The following NDUFAF7 variants were observed in gnomAD, a reference collection of about 807,000 sequenced individuals.
NDUFAF7 encodes protein arginine methyltransferase NDUFAF7, mitochondrial.
In NDUFAF7, 48 loss-of-function variants were observed where a neutral mutation model predicts 47.2. The ratio of observed to expected loss-of-function variants is 1.02; its 90% CI spans 0.81 to 1.29. The LOEUF (loss-of-function observed/expected upper bound fraction) is 1.29, where lower values mean the gene tolerates loss of function less well. Ranked by LOEUF, NDUFAF7 falls within the 50% of genes most tolerant of loss-of-function variation. The pLI is 0.00. For synonymous variants in NDUFAF7, 217 were observed against 190.0 expected (o/e 1.14, Z -1.17); for missense variants, 635 against 537.6 (o/e 1.18, Z -1.79).
At chr2:37,251,348 A>G (rs1358638482), downstream of NDUFAF7, 1 of 152,570 alleles carries the variant, frequency 6.6e-6, no homozygotes, top group Non-Finnish European at 1.5e-5. Flanking sequence ...TTAGAGCCAT[A>G]CTACTGGTCT....
chr2:37,234,537 C>T (rs921870208), intron 2 of NDUFAF7, among the ~76,000 whole-genome samples: 10 of 151,984 alleles, frequency 6.6e-5, no homozygotes, highest in African/African-American at 2.4e-4. Flanking sequence ...ACTGGGCTAC[C>T]ACAGTGGTTC....
chr2:37,232,526 G>A (rs1472465433), intron 2 of NDUFAF7, among the ~76,000 whole-genome samples: 2 of 152,206 alleles, frequency 1.3e-5, no homozygotes, highest in Non-Finnish European at 2.9e-5. Flanking sequence ...TTATGATGCG[G>A]GAAGGATGAC....
the NDUFAF7 span, among the ~76,000 whole-genome samples, chr2:37,258,580 G>A: frequency 6.6e-6 from 1 of 152,314 alleles, no homozygotes; most frequent in South Asian, 2.1e-4. Flanking sequence ...ACCAGTAGGA[G>A]TGTGCATCTT....
downstream of NDUFAF7, chr2:37,253,479 G>T: frequency 1.4e-6 from 1 of 696,252 alleles, no homozygotes. Flanking sequence ...CTACTCATAA[G>T]TATCTACTAT....
intron 9 of NDUFAF7, among the ~76,000 whole-genome samples, chr2:37,247,842 TTTG>T (rs1157669067): frequency 6.6e-6 from 1 of 152,182 alleles, no homozygotes; most frequent in Non-Finnish European, 1.5e-5. Flanking sequence ...AGTGTTTTTG[TTTG>T]TTAAGAAAAC....
At chr2:37,233,988 T>A (rs1430609769) in intron 2 of NDUFAF7, among the ~76,000 whole-genome samples, 1 of 152,258 alleles carries the variant, frequency 6.6e-6, no homozygotes, top group Non-Finnish European at 1.5e-5. Context: ...TGGTATTTCC[T>A]TATCACAATA....
intron 2 of NDUFAF7, among the ~76,000 whole-genome samples, chr2:37,233,169 C>T (rs1373571492): frequency 2.0e-5 from 3 of 152,154 alleles, no homozygotes; most frequent in African/African-American, 7.2e-5. Context: ...GTACTTTTAG[C>T]TTGAGCAGTT....
Position 37,248,262 on chromosome 2 carries a change from T to C in NDUFAF7, c.1238T>C (p.Leu413Pro), listed in dbSNP as rs781589697. The C allele has an allele frequency of 1.2e-6, 2 of 1,614,090 alleles. No homozygotes were observed. The highest frequency in any genetic ancestry group is 2.2e-5 in the East Asian group (1 of 44,874). ...NFFALLPHQR[L>P]QGGRYQRNAR... The stretch of plus-strand genomic sequence containing the variant: ...TTTGCCTTGCTACCTCATCAGAGAC[T>C]TCAAGGTGGAAGATATCAGAGGAAT... Residue 413 changes from leucine to proline, a missense_variant, in exon 10 of 10, where the codon CTT becomes CCT. Physicochemically the swap from Leu to Pro is moderately conservative, Grantham distance 98 (BLOSUM62 -3). Transcript: ENST00000002125.
the NDUFAF7 span, among the ~76,000 whole-genome samples, chr2:37,269,956 G>C: frequency 2.0e-5 from 3 of 152,192 alleles, no homozygotes; most frequent in Non-Finnish European, 2.9e-5. Context: ...GGCCTGGCGT[G>C]GTGGCTCACG....
At chr2:37,256,846 T>C (rs774704656), downstream of NDUFAF7, 9 of 1,614,052 alleles carry the variant, frequency 5.6e-6, no homozygotes, top group Non-Finnish European at 7.6e-6. Flanking sequence ...CTTCAGGGGC[T>C]AAGTATGCTG....
chr2:37,243,515 T>C (rs1666570068), intron 6 of NDUFAF7, among the ~76,000 whole-genome samples: 1 of 152,198 alleles, frequency 6.6e-6, no homozygotes, highest in African/African-American at 2.4e-5. Flanking sequence ...TTGGTGATAA[T>C]GTATATGTAC....
At chr2:37,260,458 A>G in the NDUFAF7 span, 1 of 1,307,042 alleles carries the variant, frequency 7.7e-7, no homozygotes, top group Non-Finnish European at 1.1e-6. Context: ...ATGTGCTATG[A>G]TTGTCTGAAA....
chr2:37,241,793 T>G lies in NDUFAF7; in HGVS notation c.622+2T>G. 1 of 1,611,980 alleles carries G rather than the reference T, an allele frequency of 6.2e-7. No individual in the cohort carries two copies. The highest frequency in any genetic ancestry group is 8.5e-7 in the Non-Finnish European group (1 of 1,179,342). ...GAGATCTGCACGATGTTCCAAAAGG[T>G]AATTACCTTTATGTGGATTAATGAA... On this transcript the variant is annotated splice_donor_variant, in intron 5 of 9. Transcript: ENST00000002125. LOFTEE classifies it high-confidence loss of function.
Position 37,241,614 on chromosome 2 carries a change from GAC to G in NDUFAF7, c.447_448del (p.Ile150PhefsTer13). ...TQLGSVLKNC[D>X]ISVHLVEVSQ... The stretch of plus-strand genomic sequence containing the variant: ...ACTTGGATCTGTGCTGAAAAATTGT[GAC>G]ATTTCAGTACATCTGGTAGAGGTAA... On this transcript the variant is annotated frameshift_variant, in exon 5 of 10. Coordinates refer to ENST00000002125, the MANE Select transcript of NDUFAF7 (RefSeq NM_144736.5). LOFTEE classifies it high-confidence loss of function. The G allele has an allele frequency of 6.2e-7, 1 of 1,613,682 alleles. No homozygotes were observed. The highest frequency in any genetic ancestry group is 8.5e-7 in the Non-Finnish European group (1 of 1,179,890).
intron 6 of NDUFAF7, among the ~76,000 whole-genome samples, chr2:37,243,534 T>A (rs1021277681): frequency 2.0e-5 from 3 of 152,164 alleles, no homozygotes; most frequent in African/African-American, 4.8e-5. Context: ...ACTGGTAATT[T>A]GTGAGGAGAA....
chr2:37,247,708 G>T, intron 9 of NDUFAF7, 79 bp downstream of exon 9: 6 of 1,504,062 alleles, frequency 4.0e-6, no homozygotes, highest in Non-Finnish European at 4.6e-6. Flanking sequence ...TGTTCACCTG[G>T]CCTTAATGCT....
At chr2:37,260,201 A>T in the NDUFAF7 span, 5 of 1,564,638 alleles carry the variant, frequency 3.2e-6, no homozygotes, top group Admixed American at 1.0e-4. Context: ...GCTAGTTTAA[A>T]AAAAAAAAGG....
At chr2:37,240,626 A>ATT (rs1666249409) in intron 4 of NDUFAF7, among the ~76,000 whole-genome samples, 2 of 152,298 alleles carry the variant, frequency 1.3e-5, no homozygotes, top group African/African-American at 4.8e-5. Context: ...AGGTCATTTG[A>ATT]ATATAAAATA....
downstream of NDUFAF7, chr2:37,250,516 A>G (rs1312606800): frequency 1.3e-5 from 2 of 152,214 alleles, no homozygotes; most frequent in Admixed American, 6.5e-5. Context: ...GTAGAAAATT[A>G]TAAAATGAGC....
Sources: allele counts gnomAD v4.1 joint callset (sites outside exome capture counted in the v4.1 genomes callset), GRCh38; gene constraint gnomAD v4.1.1; transcripts MANE v1.5; gene names NCBI Gene and HGNC (gene_info 2026-07-23, HGNC 2026-07-21).